The following LDLRAD2 variants were observed in gnomAD, a reference collection of about 807,000 sequenced individuals.
LDLRAD2 encodes low-density lipoprotein receptor class A domain-containing protein 2.
LDLRAD2 carries 25 observed loss-of-function variants against 24.9 expected under a neutral mutation model. That is an observed-to-expected ratio of 1.00 (90% CI 0.73 to 1.40). LDLRAD2 has a LOEUF of 1.40. Ranked by LOEUF, LDLRAD2 falls within the 40% of genes most tolerant of loss-of-function variation. The probability of loss-of-function intolerance (pLI) is 0.00; values close to 1 mark genes in which losing one functional copy is unlikely to be tolerated. For missense variants in LDLRAD2, 391 were observed against 366.2 expected, an observed-to-expected ratio of 1.07 and a Z score of -0.55; for synonymous variants, 182 against 166.7, an observed-to-expected ratio of 1.09 and a Z score of -0.71.
At chr1:21,815,834 C>G in intron 2 of LDLRAD2, 109 bp from the exon 3 acceptor site, 2 of 1,334,674 alleles carry the variant, frequency 1.5e-6, no homozygotes, top group Non-Finnish European at 2.1e-6. Context: ...TGCATGAGGG[C>G]AGCTCTCTCC....
chr1:21,818,011 G>A (rs999721885), intron 3 of LDLRAD2, among the ~76,000 whole-genome samples: 5 of 151,922 alleles, frequency 3.3e-5, no homozygotes, highest in Admixed American at 1.3e-4. Flanking sequence ...GGTGTAGCTG[G>A]GATTACAGGT....
At position 21,824,913 on chromosome 1, in the gene LDLRAD2, CG is replaced by C; in HGVS notation, c.*2703del. ...CGAGCCTGCAGTCCCTGGGGACCCACGGGGGCTGCCAACAGAATTCAGGGAG... is the reference window on the plus strand; with the variant it reads ...CGAGCCTGCAGTCCCTGGGGACCCACGGGGCTGCCAACAGAATTCAGGGAG... On this transcript the variant is annotated 3_prime_UTR_variant, in exon 5 of 5. Coordinates refer to ENST00000344642, the MANE Select transcript of LDLRAD2 (RefSeq NM_001013693.3). The surrounding 1 kb of genome is among the most constrained non-coding windows in gnomAD (Gnocchi z 5.9). The C allele has an allele frequency of 1.3e-6, 1 of 789,460 alleles. No individual in the cohort carries two copies. Among genetic ancestry groups the C allele is most frequent in the South Asian group, 1.5e-5 (1 of 67,910 alleles). 48.9% of individuals were successfully genotyped at this position (789,460 alleles called of 1,614,324 possible). A position where few individuals can be genotyped will look rare whatever the true frequency, so the allele number is the denominator to read the frequency against.
Position 21,824,402 on chromosome 1 carries a change from G to C in LDLRAD2, c.*2187G>C, listed in dbSNP as rs1557664185. The C allele has an allele frequency of 6.2e-7, 1 of 1,613,034 alleles. No homozygotes were observed. Among genetic ancestry groups the C allele is most frequent in the Admixed American group, 1.7e-5 (1 of 60,024 alleles). On this transcript the variant is annotated 3_prime_UTR_variant, in exon 5 of 5. Coordinates refer to ENST00000344642, the MANE Select transcript of LDLRAD2 (RefSeq NM_001013693.3). This position sits in a 1 kb window ranked among gnomAD's most constrained non-coding sequence, Gnocchi z 5.9. ...CTGCCAGGGAAGCACAGGGTCTCTG[G>C]GGTCCCCAGCCTGGAGAGCAGAGGC...
At chr1:21,820,956 G>A (rs2097950755) in intron 3 of LDLRAD2, among the ~76,000 whole-genome samples, 2 of 152,216 alleles carry the variant, frequency 1.3e-5, no homozygotes, top group African/African-American at 4.8e-5. Context: ...CCAGCATTTT[G>A]GGAGGCTGAG....
Position 21,822,533 on chromosome 1 carries a change from TC to T in LDLRAD2, c.*320del. 1 of 227,614 alleles carries T rather than the reference TC, an allele frequency of 4.4e-6. No homozygotes were observed. The highest frequency in any genetic ancestry group is 8.7e-6 in the Non-Finnish European group (1 of 114,634). 14.1% of individuals were successfully genotyped at this position (227,614 alleles called of 1,614,324 possible). ...TTGGAGGAGTCCCTGGGCCTTCACT[TC>T]CAGATGGGTGGGGATGTGGCCTGGG... On this transcript the variant is annotated 3_prime_UTR_variant, in exon 5 of 5. Coordinates refer to ENST00000344642, the MANE Select transcript of LDLRAD2 (RefSeq NM_001013693.3).
At chr1:21,816,233 G>A (rs943803434) in intron 3 of LDLRAD2, among the ~76,000 whole-genome samples, 159 bp downstream of exon 3, 1 of 152,258 alleles carries the variant, frequency 6.6e-6, no homozygotes, top group African/African-American at 2.4e-5. Flanking sequence ...AGAGCAGTCA[G>A]GGCCAGAACT....
intron 2 of LDLRAD2, 97 bp downstream of exon 2, chr1:21,814,920 G>A (rs1004091268): frequency 1.7e-6 from 2 of 1,172,268 alleles, no homozygotes; most frequent in Admixed American, 3.8e-5. Flanking sequence ...TGCCGACAGG[G>A]GAATGGCAGG....
intron 3 of LDLRAD2, among the ~76,000 whole-genome samples, chr1:21,816,403 G>C (rs1460887330): frequency 3.9e-5 from 6 of 152,212 alleles, no homozygotes; most frequent in Non-Finnish European, 8.8e-5. Context: ...ATGTCTCTCT[G>C]AGGGCCCTGA....
At position 21,823,319 on chromosome 1, in the gene LDLRAD2, C is replaced by T. The variant is rs779175945; in HGVS notation, c.*1104C>T. 21 of 1,530,778 alleles carry T rather than the reference C, an allele frequency of 1.4e-5. No homozygotes were observed. Among genetic ancestry groups the T allele is most frequent in the South Asian group, 8.4e-5 (7 of 83,112 alleles). 94.8% of individuals were successfully genotyped at this position (1,530,778 alleles called of 1,614,324 possible). On this transcript the variant is annotated 3_prime_UTR_variant, in exon 5 of 5. Coordinates refer to ENST00000344642, the MANE Select transcript of LDLRAD2 (RefSeq NM_001013693.3). Reference sequence around the variant, plus strand: ...TCCGTGTGGGGCAGGCAGGTGCCTACGAGGGGCAGGGGCGTGTGTTGGCCC... The same window carrying T: ...TCCGTGTGGGGCAGGCAGGTGCCTATGAGGGGCAGGGGCGTGTGTTGGCCC...
chr1:21,819,347 T>C (rs2097947672), intron 3 of LDLRAD2, among the ~76,000 whole-genome samples: 1 of 151,996 alleles, frequency 6.6e-6, no homozygotes, highest in African/African-American at 2.4e-5. Context: ...CACTCCAGCT[T>C]GAGCAACAAG....
chr1:21,824,914 G>A lies in LDLRAD2; in HGVS notation c.*2699G>A, dbSNP rs1037941734. On this transcript the variant is annotated 3_prime_UTR_variant, in exon 5 of 5. Coordinates refer to ENST00000344642, the MANE Select transcript of LDLRAD2 (RefSeq NM_001013693.3). This position sits in a 1 kb window ranked among gnomAD's most constrained non-coding sequence, Gnocchi z 5.9. Reference sequence around the variant, plus strand: ...GAGCCTGCAGTCCCTGGGGACCCACGGGGGCTGCCAACAGAATTCAGGGAG... The same window carrying A: ...GAGCCTGCAGTCCCTGGGGACCCACAGGGGCTGCCAACAGAATTCAGGGAG... The A allele has an allele frequency of 5.2e-5, 41 of 788,074 alleles. No individual in the cohort carries two copies. The Admixed American group carries it at 6.5e-4, about 12-fold the overall frequency. The allele number at this position is 788,074 out of a possible 1,614,324, so 48.8% of individuals were successfully genotyped here.
At chr1:21,816,152 G>A in intron 3 of LDLRAD2, 78 bp downstream of exon 3, 1 of 1,552,706 alleles carries the variant, frequency 6.4e-7, no homozygotes, top group Non-Finnish European at 8.7e-7. Flanking sequence ...CCTAGGGCAG[G>A]GCCCCGATGG....
At chr1:21,819,699 A>C (rs1247930009) in intron 3 of LDLRAD2, among the ~76,000 whole-genome samples, 1 of 152,166 alleles carries the variant, frequency 6.6e-6, no homozygotes, top group Admixed American at 6.5e-5. Context: ...CCGTTTGGGC[A>C]GATACAAAGT....
At position 21,816,038 on chromosome 1, in the gene LDLRAD2, A is replaced by G; in HGVS notation, c.607A>G (p.Ser203Gly). 6.2e-7 allele frequency: 1 copy of G among 1,613,696 alleles called. No individual in the cohort carries two copies. The highest frequency in any genetic ancestry group is 8.5e-7 in the Non-Finnish European group (1 of 1,179,996). The change falls in exon 3 of 5, where the codon AGT becomes GGT. Residue 203 changes from serine (S) to glycine (G), a missense_variant. Transcript: ENST00000344642. Reference sequence around the variant, plus strand: ...GGGCATGGACAACTGTGGCGATGGCAGTGACCAGGGCTCCTGGTCACCAGC... The same window carrying G: ...GGGCATGGACAACTGTGGCGATGGCGGTGACCAGGGCTCCTGGTCACCAGC... ...PWGMDNCGDG[S>G]DQGSWSPADC...
intron 4 of LDLRAD2, 76 bp from the exon 5 acceptor site, chr1:21,822,126 C>G (rs1572117659): frequency 1.2e-6 from 2 of 1,612,900 alleles, no homozygotes; most frequent in East Asian, 2.2e-5. Context: ...GGGTTGGGGG[C>G]CTGGGGGCCT....
In LDLRAD2 at chr1:21,818,426, A is replaced by G. The variant is rs181796341; in HGVS notation, c.643+2352A>G. Among the ~76,000 whole-genome samples, 39 of 152,188 alleles carry G rather than the reference A, an allele frequency of 2.6e-4. No individual in the cohort carries two copies. In the East Asian group the frequency reaches 7.1e-3, roughly 28 times the overall value. On this transcript the variant is annotated intron_variant, in intron 3 of 4. Coordinates refer to ENST00000344642, the MANE Select transcript of LDLRAD2 (RefSeq NM_001013693.3). ...TGACAGTTGTGAGTACTGCTCAGGG[A>G]TTTTGTAGGATGCCCCACTATTGGG...
chr1:21,822,276 C>G lies in LDLRAD2; in HGVS notation c.*61C>G. ...GATAGCACCGTTTATTAAGAAAAATCAAGACAAAGACCACAGGAGGGTCCC... is the reference window on the plus strand; with the variant it reads ...GATAGCACCGTTTATTAAGAAAAATGAAGACAAAGACCACAGGAGGGTCCC... On this transcript the variant is annotated 3_prime_UTR_variant, in exon 5 of 5. Transcript: ENST00000344642. 6.4e-7 allele frequency: 1 copy of G among 1,557,830 alleles called. No homozygotes were observed. The highest frequency in any genetic ancestry group is 1.1e-5 in the South Asian group (1 of 89,928).
chr1:21,823,346 G>GTTT lies in LDLRAD2; in HGVS notation c.*1131_*1132insTTT. On this transcript the variant is annotated 3_prime_UTR_variant, in exon 5 of 5. Transcript: ENST00000344642. ...AGGGGCAGGGGCGTGTGTTGGCCCC[G>GTTT]GCCTGGGCGCGGTGCTGCAGGTCCA... The GTTT allele has an allele frequency of 6.5e-7, 1 of 1,543,444 alleles. No individual in the cohort carries two copies. Among genetic ancestry groups the GTTT allele is most frequent in the Non-Finnish European group, 8.7e-7 (1 of 1,147,908 alleles).
At chr1:21,818,904 T>TCCCTGC (rs2097947154) in intron 3 of LDLRAD2, among the ~76,000 whole-genome samples, 1 of 37,690 alleles carries the variant, frequency 2.7e-5, no homozygotes, top group Non-Finnish European at 5.1e-5. Flanking sequence ...CCCCGCCTCC[T>TCCCTGC]CCCTGCCCCA....
Sources: allele counts gnomAD v4.1 joint callset (sites outside exome capture counted in the v4.1 genomes callset), GRCh38; gene constraint gnomAD v4.1.1; non-coding constraint Gnocchi (gnomAD v3.1); transcripts MANE v1.5; gene names NCBI Gene and HGNC (gene_info 2026-07-23, HGNC 2026-07-21).